Variants in FBXW11 observed in about 807,000 individuals in gnomAD.
FBXW11 encodes F-box/WD repeat-containing protein 11.
Under a neutral mutation model 77.6 loss-of-function variants are expected in FBXW11, and 19 were observed. That is an observed-to-expected ratio of 0.24 (90% confidence interval 0.17 to 0.36). The LOEUF is 0.36. Among genes scored for constraint, FBXW11 ranks in the 10% least tolerant of loss-of-function variants. The probability of loss-of-function intolerance (pLI) is 1.00; values close to 1 mark genes in which losing one functional copy is unlikely to be tolerated. For synonymous variants in FBXW11, 235 were observed against 249.4 expected (o/e 0.94, Z 0.54); for missense variants, 334 against 704.2 (o/e 0.47, Z 5.95).
chr5:171,978,939 GATTT>G (rs1430659354), intron 1 of FBXW11, among the ~76,000 whole-genome samples: 2 of 151,978 alleles, frequency 1.3e-5, no homozygotes, highest in Non-Finnish European at 2.9e-5. Flanking sequence ...GAGATTTTTT[GATTT>G]ATTAAAACCC....
intron 12 of FBXW11, 131 bp from the exon 13 acceptor site, chr5:171,868,927 T>G (rs1757595397): frequency 2.4e-5 from 17 of 705,230 alleles, no homozygotes. Flanking sequence ...CAGAGCTCAC[T>G]GAACTGTGTC....
chr5:171,968,322 G>A (rs1764333439), intron 1 of FBXW11, among the ~76,000 whole-genome samples: 1 of 152,062 alleles, frequency 6.6e-6, no homozygotes, highest in African/African-American at 2.4e-5. Flanking sequence ...GCCGGGCACA[G>A]TGGCAGGCAC....
intron 2 of FBXW11, among the ~76,000 whole-genome samples, chr5:171,921,523 C>A (rs1014389522): frequency 3.9e-5 from 6 of 152,006 alleles, no homozygotes; most frequent in African/African-American, 1.5e-4. Context: ...CCTATGAAAT[C>A]AATTTAATAG....
chr5:171,961,942 T>C (rs895273531), intron 1 of FBXW11, among the ~76,000 whole-genome samples: 1 of 152,256 alleles, frequency 6.6e-6, no homozygotes, highest in Non-Finnish European at 1.5e-5. Context: ...CCATGGCTCC[T>C]GGCCGTAAGT....
intron 1 of FBXW11, among the ~76,000 whole-genome samples, chr5:172,001,748 T>C (rs1256898027): frequency 3.3e-5 from 5 of 152,214 alleles, no homozygotes; most frequent in Non-Finnish European, 1.5e-5. Context: ...GTGGCACCTA[T>C]TGTGTTTTAT....
intron 1 of FBXW11, among the ~76,000 whole-genome samples, chr5:172,000,036 G>GTC (rs1162372287): frequency 6.6e-6 from 1 of 152,202 alleles, no homozygotes; most frequent in African/African-American, 2.4e-5. Flanking sequence ...TTCCTGGTCT[G>GTC]TCTCTCATTT....
rs1757171480 is a variant in FBXW11 at position 171,862,853 on chromosome 5, T to C, written c.*1274A>G. Reference sequence around the variant, plus strand: ...CACACCAGCAGGCCCTGCCAGAACCTTGGCAAGGCCAGGATGCATGAATTC... The same window carrying C: ...CACACCAGCAGGCCCTGCCAGAACCCTGGCAAGGCCAGGATGCATGAATTC... On this transcript the variant is annotated 3_prime_UTR_variant, in exon 14 of 14. Transcript: ENST00000517395. 6.6e-6 allele frequency: 1 copy of C among 152,220 alleles called. No individual in the cohort carries two copies. Among genetic ancestry groups the C allele is most frequent in the African/African-American group, 2.4e-5 (1 of 41,436 alleles). 9.4% of individuals were successfully genotyped at this position (152,220 alleles called of 1,614,324 possible). A position where few individuals can be genotyped will look rare whatever the true frequency, so the allele number is the denominator to read the frequency against.
chr5:172,005,880 G>A (rs987127288), intron 1 of FBXW11, among the ~76,000 whole-genome samples: 1 of 152,232 alleles, frequency 6.6e-6, no homozygotes, highest in African/African-American at 2.4e-5. Context: ...CCGGGAAAGA[G>A]GCCTCCTTAT....
At chr5:171,992,151 C>T (rs562186569) in intron 1 of FBXW11, among the ~76,000 whole-genome samples, 2 of 150,938 alleles carry the variant, frequency 1.3e-5, no homozygotes, top group South Asian at 2.1e-4. Flanking sequence ...AAAAGGAGGC[C>T]GGATGCGGTG....
intron 2 of FBXW11, among the ~76,000 whole-genome samples, chr5:171,919,299 T>TCTATCTCTG (rs1196695446): frequency 6.6e-6 from 1 of 152,150 alleles, no homozygotes; most frequent in Non-Finnish European, 1.5e-5. Flanking sequence ...GTAATTCTGA[T>TCTATCTCTG]CTATCTCTGC....
intron 1 of FBXW11, among the ~76,000 whole-genome samples, chr5:171,970,992 T>C (rs1234782599): frequency 6.6e-6 from 1 of 152,196 alleles, no homozygotes; most frequent in Non-Finnish European, 1.5e-5. Flanking sequence ...CCCTTCACAT[T>C]GTTTGAATCC....
intron 1 of FBXW11, among the ~76,000 whole-genome samples, chr5:171,993,763 A>G (rs1351571841): frequency 6.6e-6 from 1 of 152,222 alleles, no homozygotes; most frequent in Non-Finnish European, 1.5e-5. Flanking sequence ...AGGCATGCTG[A>G]GCAGATCAAA....
chr5:171,998,771 T>C (rs1437973721), intron 1 of FBXW11, among the ~76,000 whole-genome samples: 1 of 137,384 alleles, frequency 7.3e-6, no homozygotes, highest in African/African-American at 2.8e-5. Flanking sequence ...TACTCCAGCC[T>C]GGTTAACAGA....
In FBXW11 at chr5:171,935,756, G is replaced by A. The variant is rs563382772; in HGVS notation, c.148-21351C>T. On this transcript the variant is annotated intron_variant, in intron 2 of 13. Transcript: ENST00000517395. ...AGGTTTCCTTGAGTAATCCTGAGAT[G>A]ATGCAAAAAATTGTCAAAAAAATTA... Among the ~76,000 whole-genome samples the A allele has an allele frequency of 2.0e-5, 3 of 152,148 alleles. No homozygotes were observed. The East Asian group carries it at 5.8e-4, about 29-fold the overall frequency.
intron 1 of FBXW11, among the ~76,000 whole-genome samples, chr5:171,982,327 T>C (rs968630620): frequency 1.3e-5 from 2 of 152,212 alleles, no homozygotes; most frequent in Non-Finnish European, 2.9e-5. Context: ...TAGCATGCAA[T>C]GGCATAATCT....
chr5:171,957,825 G>T, intron 1 of FBXW11, 127 bp from the exon 2 acceptor site: 3 of 752,126 alleles, frequency 4.0e-6, no homozygotes, highest in Non-Finnish European at 7.0e-6. Flanking sequence ...GGAGGTTAGG[G>T]ATGGTCCCAG....
rs564774214 is a variant in FBXW11, at chr5:171,963,817, G to A, written c.46-6119C>T. Among the ~76,000 whole-genome samples the A allele has an allele frequency of 3.8e-4, 58 of 152,234 alleles. 3 individuals are homozygous for A. The South Asian group carries it at 0.011, about 28-fold the overall frequency. On this transcript the variant is annotated intron_variant, in intron 1 of 13. Transcript: ENST00000517395. ...CTAGAACTCGTGGAGAATATTTGCC[G>A]CAAACGATAAAAGAAGTCTGCTCAA...
chr5:171,939,672 G>A (rs1402580157), intron 2 of FBXW11, among the ~76,000 whole-genome samples: 1 of 140,216 alleles, frequency 7.1e-6, no homozygotes, highest in Non-Finnish European at 1.5e-5. Context: ...ACTCCAACCT[G>A]GGCTACACAG....
At chr5:171,895,677 T>TA (rs1327058492) in intron 6 of FBXW11, among the ~76,000 whole-genome samples, 2 of 152,224 alleles carry the variant, frequency 1.3e-5, no homozygotes, top group African/African-American at 4.8e-5. Flanking sequence ...ATCTCTCTGT[T>TA]AATAGACAAT....
Sources: gnomAD v4.1 joint callset for allele counts (sites outside exome capture counted in the v4.1 genomes callset) on GRCh38, gnomAD v4.1.1 for gene constraint, MANE v1.5 for transcripts, NCBI Gene and HGNC (gene_info 2026-07-23, HGNC 2026-07-21) for gene names.